The following SUN2 variants were observed in gnomAD, a reference collection of about 807,000 sequenced individuals.
The protein encoded by SUN2 is SUN domain-containing protein 2.
A neutral mutation model predicts 100.0 loss-of-function variants in SUN2; 60 were observed. The ratio of observed to expected loss-of-function variants is 0.60; its 90% CI spans 0.49 to 0.74. SUN2 has a LOEUF of 0.74. SUN2 is among the 30% of genes least tolerant of loss of function. The probability of loss-of-function intolerance (pLI) is 0.00; values close to 1 mark genes in which losing one functional copy is unlikely to be tolerated. For synonymous variants in SUN2, 367 were observed against 403.3 expected, an observed-to-expected ratio of 0.91 and a Z score of 1.08; for missense variants, 834 against 954.6, an observed-to-expected ratio of 0.87 and a Z score of 1.66.
chr22:38,750,770 G>A lies in SUN2; in HGVS notation c.424+128C>T, dbSNP rs79616287. 1.6e-3 allele frequency: 2,247 copies of A among 1,431,144 alleles called. 21 individuals are homozygous for A. In the African/African-American group the frequency reaches 0.024, roughly 15 times the overall value. 88.7% of individuals were successfully genotyped at this position (1,431,144 alleles called of 1,614,324 possible). ...GCCAGGCTGGGGCGCACCCAGGGCC[G>A]GGCATGGGAGGGGCGCTGTGCCTGC... On this transcript the variant is annotated intron_variant, in intron 4 of 17. Coordinates refer to ENST00000689035, the MANE Select transcript of SUN2 (RefSeq NM_015374.3).
At position 38,749,777 on chromosome 22, in the gene SUN2, G is replaced by C; in HGVS notation, c.603C>G (p.Phe201Leu). The C allele has an allele frequency of 6.2e-7, 1 of 1,614,110 alleles. No individual in the cohort carries two copies. The highest frequency in any genetic ancestry group is 8.5e-7 in the Non-Finnish European group (1 of 1,179,998). The change falls in exon 6 of 18, where the codon TTC becomes TTG. Residue 201 changes from phenylalanine (F) to leucine (L), a missense_variant. Coordinates refer to ENST00000689035, the MANE Select transcript of SUN2 (RefSeq NM_015374.3). ...GGAGTCTCGCTCACCTGGTTAAAAC[G>C]AAGACGTCAAGGAGGGAGGCAGCTG... ...LTTAASLLDV[F>L]VLTRRFSSLK...
chr22:38,751,787 C>T (rs1263649230), intron 2 of SUN2, among the ~76,000 whole-genome samples: 3 of 152,336 alleles, frequency 2.0e-5, no homozygotes, highest in Admixed American at 6.5e-5. Flanking sequence ...TCAGCCATGT[C>T]GCTGGCCAGC....
chr22:38,754,829 C>T lies in SUN2; in HGVS notation c.-38+934G>A, dbSNP rs1429659276. On this transcript the variant is annotated intron_variant, in intron 1 of 17. Transcript: ENST00000689035. ...TGAAAACTGTCAGCACCCGCCTCCGCCCTCCCAGAACTCCCAGAGATGCCT... is the reference window on the plus strand; with the variant it reads ...TGAAAACTGTCAGCACCCGCCTCCGTCCTCCCAGAACTCCCAGAGATGCCT... 4.7e-6 allele frequency: 6 copies of T among 1,286,990 alleles called. No individual in the cohort carries two copies. The African/African-American group carries it at 7.6e-5, about 16-fold the overall frequency. The allele number at this position is 1,286,990 out of a possible 1,614,324, so 79.7% of individuals were successfully genotyped here.
At chr22:38,750,823 G>A (rs976811767) in intron 4 of SUN2, 75 bp downstream of exon 4, 33 of 1,587,908 alleles carry the variant, frequency 2.1e-5, no homozygotes, top group African/African-American at 5.4e-5. Flanking sequence ...CCAGCTCCCC[G>A]GGGCTCCCTG....
At position 38,738,884 on chromosome 22, in the gene SUN2, C is replaced by T; in HGVS notation, c.1768G>A (p.Val590Ile). The change falls in exon 15 of 18, where the codon GTC becomes ATC. Residue 590 changes from valine to isoleucine, a missense_variant. Coordinates refer to ENST00000689035, the MANE Select transcript of SUN2 (RefSeq NM_015374.3). This position sits in a 1 kb window ranked among gnomAD's most constrained non-coding sequence, Gnocchi z 6.6. Reference protein sequence around the residue: ...PLWYHSQSPRVILQPDVHPGN... With the variant: ...PLWYHSQSPRIILQPDVHPGN... ...TGCCAGGTGCCCACCTGGAGGATGA[C>T]TCGGGGTGACTGGGAGTGGTACCAC... 3 of 1,605,314 alleles carry T rather than the reference C, an allele frequency of 1.9e-6. No homozygotes were observed. Among genetic ancestry groups the T allele is most frequent in the South Asian group, 1.1e-5 (1 of 90,188 alleles).
chr22:38,741,025 A>T lies in SUN2; in HGVS notation c.1172T>A (p.Leu391Gln). ...CCAGTACCTTTGCCACTCTGACTTC[A>T]GCTGCTGGATGCGAGCCTCGGACTC... ...SQESEARIQQ[L>Q]KSEWQSMTQE... The change falls in exon 11 of 18, where the codon CTG (leucine) becomes CAG (glutamine). Residue 391 changes from leucine (L) to glutamine (Q), a missense_variant. Leu to Gln is a moderately radical substitution (Grantham distance 113). This residue lies in a region of SUN2 where 559 missense variants were observed against 597.7 expected (regional missense o/e 0.94). Coordinates refer to ENST00000689035, the MANE Select transcript of SUN2 (RefSeq NM_015374.3). 6.3e-7 allele frequency: 1 copy of T among 1,598,314 alleles called. No homozygotes were observed. Among genetic ancestry groups the T allele is most frequent in the Non-Finnish European group, 8.5e-7 (1 of 1,172,370 alleles).
At chr22:38,744,426 T>A (rs576122777) in intron 8 of SUN2, among the ~76,000 whole-genome samples, 21 of 151,740 alleles carry the variant, frequency 1.4e-4, no homozygotes, top group Middle Eastern at 3.4e-3. Context: ...AAATTTTTTT[T>A]AAAAATTTGA....
In SUN2 at chr22:38,755,406, G is replaced by C; in HGVS notation, c.-38+357C>G. 1.0e-6 allele frequency: 1 copy of C among 1,001,432 alleles called. No individual in the cohort carries two copies. Among genetic ancestry groups the C allele is most frequent in the Non-Finnish European group, 1.2e-6 (1 of 837,708 alleles). The allele number at this position is 1,001,432 out of a possible 1,614,324, so 62.0% of individuals were successfully genotyped here. On this transcript the variant is annotated intron_variant, in intron 1 of 17. Transcript: ENST00000689035. The surrounding 1 kb of genome is among the most constrained non-coding windows in gnomAD (Gnocchi z 5.7). The stretch of plus-strand genomic sequence containing the variant: ...GAGGCCCTGAGTTCTGACAGGCAGA[G>C]GCTGGGAACTGCCTGTCCCTGGAAA...
rs762267037 is a variant in SUN2, at chr22:38,740,447, A to C, written c.1191-15T>G. On this transcript the variant is annotated splice_polypyrimidine_tract_variant and intron_variant, in intron 11 of 17. Transcript: ENST00000689035. The surrounding 1 kb of genome is among the most constrained non-coding windows in gnomAD (Gnocchi z 4.8). ...CCTGGGTCATGCTGGTCCCAGAGAG[A>C]GAAGAGTAAGCCTCGGATCTCTTTG... is the stretch of plus-strand genomic sequence containing the variant. The C allele has an allele frequency of 1.4e-6, 2 of 1,473,756 alleles. No homozygotes were observed. Among genetic ancestry groups the C allele is most frequent in the East Asian group, 5.0e-5 (2 of 40,044 alleles). 91.3% of individuals were successfully genotyped at this position (1,473,756 alleles called of 1,614,324 possible). A position where few individuals can be genotyped will look rare whatever the true frequency, so the allele number is the denominator to read the frequency against.
At position 38,755,569 on chromosome 22, in the gene SUN2, C is replaced by A. The variant is rs1227895588; in HGVS notation, c.-38+194G>T. 1 of 962,762 alleles carries A rather than the reference C, an allele frequency of 1.0e-6. No individual in the cohort carries two copies. The highest frequency in any genetic ancestry group is 1.2e-6 in the Non-Finnish European group (1 of 809,132). 59.6% of individuals were successfully genotyped at this position (962,762 alleles called of 1,614,324 possible). A position where few individuals can be genotyped will look rare whatever the true frequency, so the allele number is the denominator to read the frequency against. ...CCCTCCCGGCTGACCAGTGGCGCGG[C>A]AGGCGGGGCGGGGGCCAGGAGGTGA... On this transcript the variant is annotated intron_variant, in intron 1 of 17. Transcript: ENST00000689035. The surrounding 1 kb of genome is among the most constrained non-coding windows in gnomAD (Gnocchi z 5.7).
rs771130877 is a variant in SUN2 at position 38,739,329 on chromosome 22, G to A, written c.1663+13C>T. 7.5e-5 allele frequency: 121 copies of A among 1,612,586 alleles called. No individual in the cohort carries two copies. The highest frequency in any genetic ancestry group is 9.6e-5 in the Non-Finnish European group (113 of 1,179,784). On this transcript the variant is annotated intron_variant, in intron 14 of 17. Coordinates refer to ENST00000689035, the MANE Select transcript of SUN2 (RefSeq NM_015374.3). The surrounding 1 kb of genome is among the most constrained non-coding windows in gnomAD (Gnocchi z 6.7). ...TCCAGGACAAGGCAGAGCGAGGAAA[G>A]CAGAGCACGTACCTCCTGACTCCAG...
At position 38,740,108 on chromosome 22, in the gene SUN2, G is replaced by C. The variant is rs747158719; in HGVS notation, c.1356+159C>G. Reference sequence around the variant, plus strand: ...GGGCACTAACAAAAACAGGAAGAACGCCTGTCAGTGAGAGCCCACATGTGT... The same window carrying C: ...GGGCACTAACAAAAACAGGAAGAACCCCTGTCAGTGAGAGCCCACATGTGT... On this transcript the variant is annotated intron_variant, in intron 12 of 17. Transcript: ENST00000689035. This position sits in a 1 kb window ranked among gnomAD's most constrained non-coding sequence, Gnocchi z 4.8. Among the ~76,000 whole-genome samples the C allele has an allele frequency of 6.6e-6, 1 of 152,234 alleles. No homozygotes were observed. Among genetic ancestry groups the C allele is most frequent in the Non-Finnish European group, 1.5e-5 (1 of 68,032 alleles).
At position 38,755,683 on chromosome 22, in the gene SUN2, C is replaced by T. The variant is rs570645830; in HGVS notation, c.-38+80G>A. 1,170 of 979,818 alleles carry T rather than the reference C, an allele frequency of 1.2e-3. No individual in the cohort carries two copies. The highest frequency in any genetic ancestry group is 1.4e-3 in the Non-Finnish European group (1,128 of 825,012). 60.7% of individuals were successfully genotyped at this position (979,818 alleles called of 1,614,324 possible). On this transcript the variant is annotated intron_variant, in intron 1 of 17. Transcript: ENST00000689035. The surrounding 1 kb of genome is among the most constrained non-coding windows in gnomAD (Gnocchi z 5.7). ...GGAAGCAGGCCTGGCGGCGCGGCCC[C>T]GCCCGAGTGGCCCGACGGTGACCCG...
At chr22:38,751,483 C>T (rs1452688704) in intron 2 of SUN2, 110 bp from the exon 3 acceptor site, 4 of 1,256,168 alleles carry the variant, frequency 3.2e-6, no homozygotes, top group Non-Finnish European at 4.4e-6. Context: ...TGTGGGTTCC[C>T]TTGTTGCTAG....
Position 38,739,537 on chromosome 22 carries a change from G to A in SUN2, c.1579-111C>T. On this transcript the variant is annotated intron_variant, in intron 13 of 17. Transcript: ENST00000689035. The surrounding 1 kb of genome is among the most constrained non-coding windows in gnomAD (Gnocchi z 6.7). ...GGCTGACCCCTTCTAGGCTTGCACT[G>A]TGCTGGTGCCCAGGCAGATGTGGGC... The A allele has an allele frequency of 1.5e-6, 2 of 1,373,270 alleles. No homozygotes were observed. The highest frequency in any genetic ancestry group is 1.2e-5 in the South Asian group (1 of 82,392). 85.1% of individuals were successfully genotyped at this position (1,373,270 alleles called of 1,614,324 possible). A position where few individuals can be genotyped will look rare whatever the true frequency, so the allele number is the denominator to read the frequency against.
Position 38,749,375 on chromosome 22 carries a change from G to A in SUN2, c.614+391C>T, listed in dbSNP as rs548831712. Reference sequence around the variant, plus strand: ...GAACTCGGGGGGTTAGATTGTCCCAGGCCCAAGAAGGAAGATGGACTTTCT... The same window carrying A: ...GAACTCGGGGGGTTAGATTGTCCCAAGCCCAAGAAGGAAGATGGACTTTCT... On this transcript the variant is annotated intron_variant, in intron 6 of 17. Transcript: ENST00000689035. Among the ~76,000 whole-genome samples the A allele has an allele frequency of 6.6e-5, 10 of 152,246 alleles. No individual in the cohort carries two copies. In the South Asian group the frequency reaches 1.9e-3, roughly 28 times the overall value.
intron 7 of SUN2, among the ~76,000 whole-genome samples, chr22:38,747,331 CAA>C (rs371350765): frequency 1.7e-4 from 17 of 99,294 alleles, no homozygotes; most frequent in Admixed American, 2.4e-4. Flanking sequence ...AACTCCGTCT[CAA>C]AAAAAAAAAA....
Position 38,739,544 on chromosome 22 carries a change from T to G in SUN2, c.1579-118A>C, listed in dbSNP as rs895235476. 4 of 1,354,226 alleles carry G rather than the reference T, an allele frequency of 3.0e-6. No homozygotes were observed. The Admixed American group carries it at 7.8e-5, about 26-fold the overall frequency. 83.9% of individuals were successfully genotyped at this position (1,354,226 alleles called of 1,614,324 possible). ...CCCTTCTAGGCTTGCACTGTGCTGG[T>G]GCCCAGGCAGATGTGGGCACACTGC... On this transcript the variant is annotated intron_variant, in intron 13 of 17. Transcript: ENST00000689035. The surrounding 1 kb of genome is among the most constrained non-coding windows in gnomAD (Gnocchi z 6.7).
At position 38,738,360 on chromosome 22, in the gene SUN2, C is replaced by T. The variant is rs1395182654; in HGVS notation, c.1948-95G>A. On this transcript the variant is annotated intron_variant, in intron 16 of 17. Transcript: ENST00000689035. This position sits in a 1 kb window ranked among gnomAD's most constrained non-coding sequence, Gnocchi z 6.6. ...TGCTCCTCCCACCCAGCAGGTCAGG[C>T]ACCAGAGTGGCCTATGACAAGTCAC... is the stretch of plus-strand genomic sequence containing the variant. 3.5e-5 allele frequency: 43 copies of T among 1,217,410 alleles called. No individual in the cohort carries two copies. Among genetic ancestry groups the T allele is most frequent in the Non-Finnish European group, 4.8e-5 (41 of 851,014 alleles). 75.4% of individuals were successfully genotyped at this position (1,217,410 alleles called of 1,614,324 possible).
Sources: gnomAD v4.1 joint callset for allele counts (sites outside exome capture counted in the v4.1 genomes callset) on GRCh38, gnomAD v4.1.1 for gene constraint, gnomAD v4.1.1 regional missense constraint, Gnocchi (gnomAD v3.1) non-coding constraint, MANE v1.5 for transcripts, NCBI Gene and HGNC (gene_info 2026-07-23, HGNC 2026-07-21) for gene names.